The following TLL2 variants were observed in gnomAD, a reference collection of about 807,000 sequenced individuals.
TLL2 encodes the protein tolloid-like protein 2.
Under a neutral mutation model 123.0 loss-of-function variants are expected in TLL2, and 106 were observed. That is an observed-to-expected ratio of 0.86 (90% CI 0.74 to 1.01). The LOEUF is 1.01. Among genes scored for constraint, TLL2 ranks in the 50% least tolerant of loss-of-function variants. The pLI, the probability that TLL2 is intolerant of heterozygous loss-of-function variation, is 0.00. For missense variants in TLL2, 1,332 were observed against 1,336.7 expected (o/e 1.00, Z 0.06); for synonymous variants, 494 against 516.8 (o/e 0.96, Z 0.60).
intron 3 of TLL2, among the ~76,000 whole-genome samples, chr10:96,436,150 A>G (rs146889741): frequency 6.6e-6 from 1 of 152,290 alleles, no homozygotes; most frequent in Non-Finnish European, 1.5e-5. Flanking sequence ...CAACTACTCA[A>G]CTCTGCCATT....
chr10:96,399,699 C>T (rs1166696763), intron 10 of TLL2, among the ~76,000 whole-genome samples: 1 of 152,232 alleles, frequency 6.6e-6, no homozygotes, highest in African/African-American at 2.4e-5. Flanking sequence ...CCAATGAGGA[C>T]ACGGAGCAAT....
At chr10:96,414,790 C>T (rs1318046997) in intron 7 of TLL2, among the ~76,000 whole-genome samples, 1 of 152,118 alleles carries the variant, frequency 6.6e-6, no homozygotes, top group African/African-American at 2.4e-5. Flanking sequence ...GTCTCCTGAG[C>T]CTGAATCTGA....
chr10:96,483,025 T>C (rs1847325908), intron 1 of TLL2, among the ~76,000 whole-genome samples: 1 of 152,170 alleles, frequency 6.6e-6, no homozygotes, highest in Non-Finnish European at 1.5e-5. Context: ...TAACTGTATG[T>C]GGCTATGGCA....
intron 4 of TLL2, among the ~76,000 whole-genome samples, chr10:96,432,047 G>T (rs1051125210): frequency 6.6e-6 from 1 of 152,164 alleles, no homozygotes; most frequent in Non-Finnish European, 1.5e-5. Context: ...GAGAGGGACA[G>T]TGGGGTACTT....
At chr10:96,404,698 T>G (rs1462217152) in intron 10 of TLL2, among the ~76,000 whole-genome samples, 2 of 152,292 alleles carry the variant, frequency 1.3e-5, no homozygotes, top group Admixed American at 1.3e-4. Context: ...TGAAGCCATC[T>G]ACATTTGCAA....
At chr10:96,388,654 A>G (rs988430153) in intron 13 of TLL2, among the ~76,000 whole-genome samples, 2 of 152,200 alleles carry the variant, frequency 1.3e-5, no homozygotes, top group Non-Finnish European at 2.9e-5. Context: ...TACAACTTCC[A>G]GTCCACTGGT....
chr10:96,367,321 A>G lies in TLL2; in HGVS notation c.*767T>C, dbSNP rs1846038216. On this transcript the variant is annotated 3_prime_UTR_variant, in exon 21 of 21. Transcript: ENST00000357947. Reference sequence around the variant, plus strand: ...CTCAAAGTCAATGAATGAAAAAAATATCAGGACGAGCCACAATATTGTCTT... The same window carrying G: ...CTCAAAGTCAATGAATGAAAAAAATGTCAGGACGAGCCACAATATTGTCTT... The G allele has an allele frequency of 6.6e-6, 1 of 152,318 alleles. No homozygotes were observed. Among genetic ancestry groups the G allele is most frequent in the African/African-American group, 2.4e-5 (1 of 41,550 alleles). 9.4% of individuals were successfully genotyped at this position (152,318 alleles called of 1,614,324 possible). A position where few individuals can be genotyped will look rare whatever the true frequency, so the allele number is the denominator to read the frequency against.
chr10:96,394,014 C>G (rs550372954), intron 13 of TLL2, among the ~76,000 whole-genome samples: 3 of 152,164 alleles, frequency 2.0e-5, no homozygotes, highest in African/African-American at 7.2e-5. Context: ...TCAGTAAGGA[C>G]GAATGGCTGC....
At chr10:96,500,139 T>C (rs1589437573) in intron 1 of TLL2, among the ~76,000 whole-genome samples, 9 of 82,690 alleles carry the variant, frequency 1.1e-4, no homozygotes, top group South Asian at 4.1e-4. Flanking sequence ...AAAAAAAATC[T>C]CTACCAAAAA....
chr10:96,447,203 A>G (rs1038064792), intron 2 of TLL2, among the ~76,000 whole-genome samples: 3 of 152,214 alleles, frequency 2.0e-5, no homozygotes, highest in African/African-American at 7.2e-5. Flanking sequence ...GCTTGTCATG[A>G]GAGGGACAGC....
intron 3 of TLL2, among the ~76,000 whole-genome samples, chr10:96,445,041 T>G (rs1039711124): frequency 5.3e-5 from 8 of 151,890 alleles, no homozygotes; most frequent in Non-Finnish European, 1.5e-5. Flanking sequence ...TACAAAACAT[T>G]AGCCGGGCAC....
At chr10:96,389,783 G>C (rs1846268581) in intron 13 of TLL2, among the ~76,000 whole-genome samples, 1 of 152,270 alleles carries the variant, frequency 6.6e-6, no homozygotes, top group African/African-American at 2.4e-5. Context: ...GAGCCCGGTG[G>C]ATGGACCTAG....
chr10:96,369,390 T>C (rs557458416), intron 20 of TLL2, among the ~76,000 whole-genome samples: 54 of 152,330 alleles, frequency 3.5e-4, no homozygotes, highest in East Asian at 1.2e-3. Flanking sequence ...TTGGTTTTGC[T>C]TGAGGAGAGA....
intron 2 of TLL2, among the ~76,000 whole-genome samples, chr10:96,473,051 C>T (rs551575778): frequency 6.6e-6 from 1 of 151,994 alleles, no homozygotes; most frequent in African/African-American, 2.4e-5. Context: ...TCCATCAGCC[C>T]CCCCCAATCA....
intron 2 of TLL2, among the ~76,000 whole-genome samples, chr10:96,474,406 T>G (rs1847216320): frequency 6.6e-6 from 1 of 152,188 alleles, no homozygotes; most frequent in Admixed American, 6.5e-5. Flanking sequence ...GCATCACAAA[T>G]GCAGCTGGGT....
intron 2 of TLL2, among the ~76,000 whole-genome samples, chr10:96,463,060 A>C (rs1847095311): frequency 6.6e-6 from 1 of 152,192 alleles, no homozygotes; most frequent in Admixed American, 6.5e-5. Flanking sequence ...ATGAATATTG[A>C]TTTTTAGGGT....
At chr10:96,368,966 C>T (rs1846053201) in intron 20 of TLL2, among the ~76,000 whole-genome samples, 1 of 152,224 alleles carries the variant, frequency 6.6e-6, no homozygotes, top group South Asian at 2.1e-4. Flanking sequence ...CTTTGTCATT[C>T]TTCCTTTTTT....
intron 10 of TLL2, among the ~76,000 whole-genome samples, chr10:96,404,343 C>A (rs1846428768): frequency 6.6e-6 from 1 of 152,148 alleles, no homozygotes; most frequent in Middle Eastern, 3.4e-3. Context: ...AGCTAACTTT[C>A]CATGGGTGAG....
At chr10:96,486,708 C>T (rs1311503633) in intron 1 of TLL2, among the ~76,000 whole-genome samples, 1 of 152,212 alleles carries the variant, frequency 6.6e-6, no homozygotes, top group African/African-American at 2.4e-5. Flanking sequence ...GAAGTTCACT[C>T]CCTTGAACCA....
Sources: allele counts gnomAD v4.1 joint callset (sites outside exome capture counted in the v4.1 genomes callset), GRCh38; gene constraint gnomAD v4.1.1; transcripts MANE v1.5; gene names NCBI Gene and HGNC (gene_info 2026-07-23, HGNC 2026-07-21).